The following CSRNP3 variants were observed in gnomAD, a reference collection of about 807,000 sequenced individuals.
The protein encoded by CSRNP3 is cysteine/serine-rich nuclear protein 3.
A neutral mutation model predicts 48.0 loss-of-function variants in CSRNP3; 12 were observed. The observed-to-expected ratio is 0.25, with a 90% confidence interval of 0.16 to 0.41. CSRNP3 has a LOEUF of 0.41. CSRNP3 is among the 10% of genes least tolerant of loss of function. CSRNP3 has a pLI of 1.00. For synonymous variants in CSRNP3, 263 were observed against 269.7 expected, an observed-to-expected ratio of 0.98 and a Z score of 0.24; for missense variants, 580 against 724.4, an observed-to-expected ratio of 0.80 and a Z score of 2.29.
intron 3 of CSRNP3, among the ~76,000 whole-genome samples, chr2:165,545,725 C>A (rs1335678691): frequency 6.6e-6 from 1 of 151,768 alleles, no homozygotes; most frequent in Non-Finnish European, 1.5e-5. Flanking sequence ...ATTTGCTAAC[C>A]GATTTGGTGA....
At chr2:165,618,179 A>G (rs1264243430) in intron 4 of CSRNP3, among the ~76,000 whole-genome samples, 2 of 152,198 alleles carry the variant, frequency 1.3e-5, no homozygotes, top group African/African-American at 4.8e-5. Context: ...GATTGCAGGT[A>G]TCTATGATGG....
chr2:165,498,877 A>G (rs541316850), intron 2 of CSRNP3, among the ~76,000 whole-genome samples: 5 of 152,166 alleles, frequency 3.3e-5, no homozygotes, highest in Non-Finnish European at 7.4e-5. Context: ...CATAGGTGGA[A>G]TTGATACTGT....
chr2:165,679,700 A>G lies in CSRNP3; in HGVS notation c.1705A>G (p.Ile569Val), dbSNP rs1361449113. 3 of 1,614,000 alleles carry G rather than the reference A, an allele frequency of 1.9e-6. No individual in the cohort carries two copies. The highest frequency in any genetic ancestry group is 1.7e-5 in the Admixed American group (1 of 60,010). Reference sequence around the variant, plus strand: ...TTCTTTGAGCCTTGCAGAAAAGAGCATATTGCATGAAGAGTGCATCAAATC... The same window carrying G: ...TTCTTTGAGCCTTGCAGAAAAGAGCGTATTGCATGAAGAGTGCATCAAATC... ...ENSLSLAEKS[I>V]LHEECIKSPV... is the part of the protein sequence containing the mutation. Residue 569 changes from isoleucine to valine, a missense_variant, in exon 7 of 7, where the codon ATA (isoleucine) becomes GTA (valine). Physicochemically the swap from Ile to Val is conservative, Grantham distance 29. Transcript: ENST00000651982.
At chr2:165,667,645 T>C (rs910608198) in intron 5 of CSRNP3, among the ~76,000 whole-genome samples, 2 of 152,226 alleles carry the variant, frequency 1.3e-5, no homozygotes, top group Non-Finnish European at 2.9e-5. Context: ...CTTTAAATCC[T>C]TCCTGACATG....
At chr2:165,652,307 T>G (rs1324746406) in intron 4 of CSRNP3, among the ~76,000 whole-genome samples, 2 of 151,574 alleles carry the variant, frequency 1.3e-5, no homozygotes, top group African/African-American at 4.8e-5. Context: ...GTCAGGAGAT[T>G]GAGATCATCC....
At chr2:165,667,127 GAA>G (rs1687247318) in intron 5 of CSRNP3, among the ~76,000 whole-genome samples, 1 of 149,180 alleles carries the variant, frequency 6.7e-6, no homozygotes, top group Non-Finnish European at 1.5e-5. Flanking sequence ...AAGAGAGAAA[GAA>G]AGAAAGAGAG....
chr2:165,621,285 T>G (rs1248527582), intron 4 of CSRNP3, among the ~76,000 whole-genome samples: 1 of 108,354 alleles, frequency 9.2e-6, no homozygotes, highest in Non-Finnish European at 1.9e-5. Context: ...CTTGCCTCCT[T>G]CAGTCCTTTT....
chr2:165,546,615 TG>T (rs1296873184), intron 3 of CSRNP3, among the ~76,000 whole-genome samples: 3 of 152,228 alleles, frequency 2.0e-5, no homozygotes, highest in South Asian at 2.1e-4. Flanking sequence ...AACTATTTTC[TG>T]GGGGTTTTAT....
At chr2:165,527,603 C>T (rs1429302844) in intron 3 of CSRNP3, among the ~76,000 whole-genome samples, 1 of 151,974 alleles carries the variant, frequency 6.6e-6, no homozygotes, top group East Asian at 1.9e-4. Context: ...TAAATTAAAT[C>T]GGTATGTCTG....
intron 3 of CSRNP3, among the ~76,000 whole-genome samples, chr2:165,522,379 C>T (rs1684674848): frequency 6.6e-6 from 1 of 152,172 alleles, no homozygotes; most frequent in Non-Finnish European, 1.5e-5. Context: ...GTGAAACTCA[C>T]CTCTATTTGA....
chr2:165,570,507 C>G (rs1426990905), intron 3 of CSRNP3, among the ~76,000 whole-genome samples: 1 of 151,480 alleles, frequency 6.6e-6, no homozygotes, highest in Non-Finnish European at 1.5e-5. Context: ...CTCTCACTTT[C>G]TAAAAACTTG....
At chr2:165,514,693 C>T (rs994838112) in intron 2 of CSRNP3, among the ~76,000 whole-genome samples, 5 of 152,188 alleles carry the variant, frequency 3.3e-5, no homozygotes, top group African/African-American at 9.7e-5. Flanking sequence ...TTGAATATGT[C>T]ATTCTTCCCA....
intron 3 of CSRNP3, among the ~76,000 whole-genome samples, chr2:165,531,565 T>A (rs548022748): frequency 2.0e-5 from 3 of 152,284 alleles, no homozygotes; most frequent in Non-Finnish European, 4.4e-5. Context: ...TTCATCTATG[T>A]CCCTACAAAG....
chr2:165,626,860 C>A (rs1686444517), intron 4 of CSRNP3, among the ~76,000 whole-genome samples: 1 of 152,154 alleles, frequency 6.6e-6, no homozygotes, highest in Non-Finnish European at 1.5e-5. Context: ...GTTTTCCGTA[C>A]CCTCAATTAC....
chr2:165,660,817 C>T (rs1687083948), intron 5 of CSRNP3, among the ~76,000 whole-genome samples: 4 of 152,132 alleles, frequency 2.6e-5, no homozygotes, highest in Admixed American at 2.0e-4. Context: ...ATTGAAAACA[C>T]AGTTTTCCCC....
Position 165,689,333 on chromosome 2 carries a change from T to C in CSRNP3, c.*9580T>C, listed in dbSNP as rs1289365454. On this transcript the variant is annotated 3_prime_UTR_variant, in exon 7 of 7. Coordinates refer to ENST00000651982, the MANE Select transcript of CSRNP3 (RefSeq NM_001172173.2). ...TTTATTAGTGGCACTTGTATTATGC[T>C]GTACTTTTTATTACATATTGTACAA... is the stretch of plus-strand genomic sequence containing the variant. 1 of 152,210 alleles carries C rather than the reference T, an allele frequency of 6.6e-6. No homozygotes were observed. Among genetic ancestry groups the C allele is most frequent in the Non-Finnish European group, 1.5e-5 (1 of 68,020 alleles). 9.4% of individuals were successfully genotyped at this position (152,210 alleles called of 1,614,324 possible).
At chr2:165,554,926 C>A (rs1272128135) in intron 3 of CSRNP3, among the ~76,000 whole-genome samples, 2 of 152,180 alleles carry the variant, frequency 1.3e-5, no homozygotes, top group Non-Finnish European at 2.9e-5. Context: ...CCACATCTGA[C>A]TTCATCTCCT....
intron 2 of CSRNP3, among the ~76,000 whole-genome samples, chr2:165,501,239 A>G (rs1684355795): frequency 6.6e-6 from 1 of 152,194 alleles, no homozygotes; most frequent in Non-Finnish European, 1.5e-5. Context: ...ATAAAGCTAG[A>G]GAGGCTGCAA....
chr2:165,505,766 A>G (rs906947797), intron 2 of CSRNP3, among the ~76,000 whole-genome samples: 4 of 152,194 alleles, frequency 2.6e-5, no homozygotes, highest in Non-Finnish European at 4.4e-5. Context: ...AGGCTTGTCA[A>G]CATAACCACA....
Sources: allele counts gnomAD v4.1 joint callset (sites outside exome capture counted in the v4.1 genomes callset), GRCh38; gene constraint gnomAD v4.1.1; transcripts MANE v1.5; gene names NCBI Gene and HGNC (gene_info 2026-07-23, HGNC 2026-07-21).